Variants in SCUBE1 observed in about 807,000 individuals in gnomAD.
SCUBE1 encodes the protein signal peptide, CUB and EGF-like domain-containing protein 1.
Under a neutral mutation model 124.4 loss-of-function variants are expected in SCUBE1, and 59 were observed. That is an observed-to-expected ratio of 0.47 (90% confidence interval 0.38 to 0.59). The LOEUF (loss-of-function observed/expected upper bound fraction) is 0.59, where lower values mean the gene tolerates loss of function less well. SCUBE1 is among the 20% of genes least tolerant of loss of function. The pLI, the probability that SCUBE1 is intolerant of heterozygous loss-of-function variation, is 0.00. For synonymous variants in SCUBE1, 545 were observed against 550.9 expected (o/e 0.99, Z 0.15); for missense variants, 1,150 against 1,371.2 (o/e 0.84, Z 2.55).
At chr22:43,295,233 C>T (rs975587499) in intron 3 of SCUBE1, among the ~76,000 whole-genome samples, 1 of 152,228 alleles carries the variant, frequency 6.6e-6, no homozygotes, top group Non-Finnish European at 1.5e-5. Flanking sequence ...CAGCCTCCTC[C>T]TCCGTGTAGT....
At chr22:43,259,004 G>A (rs570383588) in intron 5 of SCUBE1, among the ~76,000 whole-genome samples, 3 of 152,298 alleles carry the variant, frequency 2.0e-5, no homozygotes, top group Admixed American at 6.5e-5. Flanking sequence ...CATTGTTTTC[G>A]ATGCCTGTGG....
chr22:43,319,583 AGAG>A (rs1358780249), intron 3 of SCUBE1, among the ~76,000 whole-genome samples: 5 of 147,792 alleles, frequency 3.4e-5, no homozygotes, highest in Admixed American at 6.7e-5. Context: ...AAAAAAAAGA[AGAG>A]GAGATTAGGA....
intron 4 of SCUBE1, among the ~76,000 whole-genome samples, chr22:43,271,161 C>A (rs986589528): frequency 4.6e-5 from 7 of 152,082 alleles, no homozygotes; most frequent in Non-Finnish European, 7.4e-5. Flanking sequence ...TGTTTCCACC[C>A]TCTCCACAAG....
rs549661308 is a variant in SCUBE1, at chr22:43,212,619, C to T, written c.2054-27G>A. 1.6e-4 allele frequency: 249 copies of T among 1,548,322 alleles called. 2 individuals are homozygous for T. The South Asian group carries it at 2.4e-3, about 15-fold the overall frequency. On this transcript the variant is annotated intron_variant, in intron 16 of 21. Transcript: ENST00000360835. Reference sequence around the variant, plus strand: ...TGAAAGTCAGAGGTCATGGCTCAGGCGGGCAGGAGGGCACCGCAGGGCCGA... The same window carrying T: ...TGAAAGTCAGAGGTCATGGCTCAGGTGGGCAGGAGGGCACCGCAGGGCCGA...
At chr22:43,331,796 C>T (rs55637166) in intron 2 of SCUBE1, among the ~76,000 whole-genome samples, 3,528 of 152,278 alleles carry the variant, frequency 0.023, 160 homozygotes, top group African/African-American at 0.081. Context: ...CTGGTTAATT[C>T]GGACCAGGAG....
At chr22:43,265,935 T>C (rs1924046349) in intron 4 of SCUBE1, among the ~76,000 whole-genome samples, 1 of 152,028 alleles carries the variant, frequency 6.6e-6, no homozygotes, top group Admixed American at 6.6e-5. Flanking sequence ...ACCCCGTCTC[T>C]ACTAAAAATA....
intron 1 of SCUBE1, among the ~76,000 whole-genome samples, chr22:43,339,578 G>T (rs1927200226): frequency 6.7e-6 from 1 of 150,184 alleles, no homozygotes; most frequent in Non-Finnish European, 1.5e-5. Flanking sequence ...CCCCCAACAA[G>T]CATCACTCCA....
At chr22:43,289,981 T>G (rs941488160) in intron 4 of SCUBE1, among the ~76,000 whole-genome samples, 2 of 152,194 alleles carry the variant, frequency 1.3e-5, no homozygotes, top group Non-Finnish European at 2.9e-5. Context: ...GCCTCCTCCT[T>G]GTTAAGGGTC....
intron 15 of SCUBE1, among the ~76,000 whole-genome samples, chr22:43,217,261 A>G (rs1298791050): frequency 1.3e-5 from 2 of 151,396 alleles, no homozygotes; most frequent in Non-Finnish European, 2.9e-5. Flanking sequence ...TGCCCATCCA[A>G]CATCTCCATG....
At chr22:43,267,502 C>T (rs892570637) in intron 4 of SCUBE1, among the ~76,000 whole-genome samples, 5 of 152,154 alleles carry the variant, frequency 3.3e-5, no homozygotes, top group Admixed American at 6.5e-5. Flanking sequence ...GTGGGAAATT[C>T]GCAGCACATG....
intron 14 of SCUBE1, among the ~76,000 whole-genome samples, chr22:43,218,686 C>T (rs1208145419): frequency 2.6e-5 from 4 of 152,216 alleles, no homozygotes; most frequent in Admixed American, 2.6e-4. Flanking sequence ...GATCTGAGTG[C>T]AATCCAGGCA....
intron 2 of SCUBE1, among the ~76,000 whole-genome samples, chr22:43,338,452 C>G (rs934749251): frequency 6.6e-6 from 1 of 152,186 alleles, no homozygotes; most frequent in African/African-American, 2.4e-5. Context: ...GGTCTTTGCA[C>G]TCCACCCCCA....
At chr22:43,318,580 A>G (rs899819499) in intron 3 of SCUBE1, among the ~76,000 whole-genome samples, 1 of 152,216 alleles carries the variant, frequency 6.6e-6, no homozygotes, top group African/African-American at 2.4e-5. Context: ...CATGCTGACT[A>G]TCTGATCACC....
chr22:43,299,706 G>A (rs983100570), intron 3 of SCUBE1, among the ~76,000 whole-genome samples: 11 of 152,162 alleles, frequency 7.2e-5, no homozygotes, highest in African/African-American at 2.4e-4. Flanking sequence ...TATATTCACC[G>A]TGTTGCACGA....
rs570696031 is a variant in SCUBE1, at chr22:43,234,088, G to A, written c.845-2213C>T. ...CGCTGGCCCTGCAGCCACCAAGAAA[G>A]AGATATGAAGCCCAGCTGTGCTGGT... On this transcript the variant is annotated intron_variant, in intron 7 of 21. Transcript: ENST00000360835. The surrounding 1 kb of genome is among the most constrained non-coding windows in gnomAD (Gnocchi z 4.4). 6.6e-6 allele frequency among the ~76,000 whole-genome samples: 1 copy of A among 152,200 alleles called. No homozygotes were observed. The highest frequency in any genetic ancestry group is 1.5e-5 in the Non-Finnish European group (1 of 68,002).
chr22:43,259,920 C>T (rs145630691), intron 5 of SCUBE1, among the ~76,000 whole-genome samples: 32 of 152,310 alleles, frequency 2.1e-4, no homozygotes, highest in African/African-American at 6.7e-4. Context: ...AGGGTGGAGC[C>T]GGCACCCTGG....
At chr22:43,266,181 C>T (rs775324930) in intron 4 of SCUBE1, among the ~76,000 whole-genome samples, 1 of 152,120 alleles carries the variant, frequency 6.6e-6, no homozygotes, top group Non-Finnish European at 1.5e-5. Flanking sequence ...AGGAGGGTGC[C>T]CTGAGATGCC....
At chr22:43,244,011 C>A (rs182324539) in intron 6 of SCUBE1, among the ~76,000 whole-genome samples, 1 of 152,294 alleles carries the variant, frequency 6.6e-6, no homozygotes, top group Admixed American at 6.5e-5. Context: ...GTCAATTTCA[C>A]GGTGCTAGGT....
In SCUBE1 at chr22:43,280,581, C is replaced by G. The variant is rs982837571; in HGVS notation, c.484+10465G>C. 1.7e-4 allele frequency among the ~76,000 whole-genome samples: 22 copies of G among 126,446 alleles called. 1 individual carries two copies. Among genetic ancestry groups the G allele is most frequent in the African/African-American group, 6.1e-4 (20 of 33,038 alleles). The allele number at this position is 126,446 out of a possible 152,430, so 83.0% of individuals were successfully genotyped here. A position where few individuals can be genotyped will look rare whatever the true frequency, so the allele number is the denominator to read the frequency against. Reference sequence around the variant, plus strand: ...TCACCCATCCTGCTGTCCCTTCCCCCTGCAGACATCCTCCTGCTACCTTTC... The same window carrying G: ...TCACCCATCCTGCTGTCCCTTCCCCGTGCAGACATCCTCCTGCTACCTTTC... On this transcript the variant is annotated intron_variant, in intron 4 of 21. Coordinates refer to ENST00000360835, the MANE Select transcript of SCUBE1 (RefSeq NM_173050.5).
Sources: gnomAD v4.1 joint callset for allele counts (sites outside exome capture counted in the v4.1 genomes callset) on GRCh38, gnomAD v4.1.1 for gene constraint, Gnocchi (gnomAD v3.1) non-coding constraint, MANE v1.5 for transcripts, NCBI Gene and HGNC (gene_info 2026-07-23, HGNC 2026-07-21) for gene names.